The following MYO18B variants were observed in gnomAD, a reference collection of about 807,000 sequenced individuals.
The protein encoded by MYO18B is unconventional myosin-XVIIIb.
A neutral mutation model predicts 273.0 loss-of-function variants in MYO18B; 204 were observed. That is an observed-to-expected ratio of 0.75 (90% CI 0.67 to 0.84). MYO18B has a LOEUF of 0.84. Among genes scored for constraint, MYO18B ranks in the 40% least tolerant of loss-of-function variants. The pLI is 0.00. For synonymous variants in MYO18B, 1,330 were observed against 1,305.7 expected (o/e 1.02, Z -0.40); for missense variants, 3,212 against 3,287.6 (o/e 0.98, Z 0.56).
At chr22:25,945,762 G>A (rs1481190847) in intron 34 of MYO18B, among the ~76,000 whole-genome samples, 1 of 4,716 alleles carries the variant, frequency 2.1e-4, no homozygotes, top group Non-Finnish European at 3.2e-4. Context: ...CCCTCCCCTC[G>A]CCTCCCCTCC....
chr22:26,038,308 ATGTGG>A, the MYO18B span, among the ~76,000 whole-genome samples: 1 of 152,108 alleles, frequency 6.6e-6, no homozygotes, highest in African/African-American at 2.4e-5. Flanking sequence ...ATTCTGTTCA[ATGTGG>A]TGCTAAGCTC....
At chr22:25,785,394 C>T (rs922094820) in intron 10 of MYO18B, 34 bp from the exon 11 acceptor site, 4 of 1,582,556 alleles carry the variant, frequency 2.5e-6, no homozygotes, top group Non-Finnish European at 2.6e-6. Flanking sequence ...GTGTGGACAG[C>T]CCCCCTGACT....
chr22:25,923,484 G>A (rs117775260), intron 34 of MYO18B, among the ~76,000 whole-genome samples: 1,649 of 152,362 alleles, frequency 0.011, 18 homozygotes, highest in Middle Eastern at 0.037. Context: ...TTTTACAGAT[G>A]AGAAAATGTT....
intron 34 of MYO18B, among the ~76,000 whole-genome samples, chr22:25,941,018 C>T (rs187802080): frequency 5.7e-4 from 87 of 152,266 alleles, no homozygotes; most frequent in Non-Finnish European, 8.4e-4. Context: ...TGACTTAGTA[C>T]GCACGGAGGA....
Position 25,921,127 on chromosome 22 carries a change from T to C in MYO18B, c.5365-130T>C, listed in dbSNP as rs997281017. 3.0e-5 allele frequency: 26 copies of C among 877,250 alleles called. No individual in the cohort carries two copies. The Admixed American group carries it at 6.9e-4, about 23-fold the overall frequency. 54.3% of individuals were successfully genotyped at this position (877,250 alleles called of 1,614,324 possible). On this transcript the variant is annotated intron_variant, in intron 33 of 43. Coordinates refer to ENST00000335473, the MANE Select transcript of MYO18B (RefSeq NM_032608.7). Reference sequence around the variant, plus strand: ...GGAAACTGAGGCTCGGAGAGGAGAATGGTCTTGTCCAAGGTCACACGGTGT... The same window carrying C: ...GGAAACTGAGGCTCGGAGAGGAGAACGGTCTTGTCCAAGGTCACACGGTGT...
chr22:26,031,098 C>T (rs772968480), downstream of MYO18B: 9 of 395,872 alleles, frequency 2.3e-5, no homozygotes, highest in Non-Finnish European at 3.6e-5. Context: ...CCCACATCAA[C>T]ATTCAAGAAC....
At chr22:25,904,220 T>G (rs891488899) in intron 31 of MYO18B, among the ~76,000 whole-genome samples, 2 of 152,248 alleles carry the variant, frequency 1.3e-5, no homozygotes, top group Non-Finnish European at 2.9e-5. Flanking sequence ...CAGATTGTTT[T>G]TCTCTTTCTC....
chr22:25,873,930 T>C (rs2091118496), intron 22 of MYO18B, among the ~76,000 whole-genome samples: 1 of 152,208 alleles, frequency 6.6e-6, no homozygotes, highest in Non-Finnish European at 1.5e-5. Context: ...CTAGCTGTGC[T>C]TCTCAAAGGA....
intron 12 of MYO18B, among the ~76,000 whole-genome samples, chr22:25,808,485 T>C (rs2088586277): frequency 6.6e-6 from 1 of 152,154 alleles, no homozygotes; most frequent in African/African-American, 2.4e-5. Flanking sequence ...CCTGTCTGCC[T>C]CCAAAGTTCT....
At chr22:25,968,654 T>G (rs2093004783) in intron 39 of MYO18B, among the ~76,000 whole-genome samples, 1 of 152,068 alleles carries the variant, frequency 6.6e-6, no homozygotes, top group Non-Finnish European at 1.5e-5. Context: ...TCCCTTTCTA[T>G]CTTCTCAAAG....
the MYO18B span, among the ~76,000 whole-genome samples, chr22:26,039,306 C>T: frequency 6.6e-6 from 1 of 152,186 alleles, no homozygotes; most frequent in Admixed American, 6.5e-5. Context: ...CCTGCCTCTG[C>T]CCTGGATGCT....
chr22:25,955,448 G>C (rs1467594284), intron 39 of MYO18B, 84 bp downstream of exon 39: 29 of 1,422,310 alleles, frequency 2.0e-5, no homozygotes, highest in Non-Finnish European at 2.7e-5. Context: ...TTCTGAATGG[G>C]AGACTCATAG....
At chr22:25,935,193 C>T (rs2092561107) in intron 34 of MYO18B, among the ~76,000 whole-genome samples, 1 of 152,212 alleles carries the variant, frequency 6.6e-6, no homozygotes, top group South Asian at 2.1e-4. Flanking sequence ...GGGCACAAAA[C>T]ATCCTACTTT....
At chr22:25,870,714 C>G (rs192143816) in intron 22 of MYO18B, among the ~76,000 whole-genome samples, 158 of 152,300 alleles carry the variant, frequency 1.0e-3, no homozygotes, top group Admixed American at 8.9e-3. Flanking sequence ...CATCGCCCAA[C>G]AGCTTGCTAG....
At chr22:25,916,122 T>A (rs1401045352) in intron 33 of MYO18B, among the ~76,000 whole-genome samples, 1 of 152,160 alleles carries the variant, frequency 6.6e-6, no homozygotes, top group Non-Finnish European at 1.5e-5. Context: ...TTCAAATAGG[T>A]TGACATAAAA....
chr22:26,041,430 G>T, the MYO18B span, among the ~76,000 whole-genome samples: 212 of 152,024 alleles, frequency 1.4e-3, 1 homozygote, highest in Middle Eastern at 3.4e-3. Context: ...TACTTGGGAG[G>T]CTGAGGCAGG....
At chr22:25,905,691 T>C (rs2092029247) in intron 31 of MYO18B, among the ~76,000 whole-genome samples, 1 of 152,184 alleles carries the variant, frequency 6.6e-6, no homozygotes, top group Admixed American at 6.5e-5. Flanking sequence ...AGGCAGCTTG[T>C]TGCCTGTATG....
intron 34 of MYO18B, among the ~76,000 whole-genome samples, chr22:25,939,652 A>G (rs976142562): frequency 6.6e-6 from 1 of 152,172 alleles, no homozygotes; most frequent in Non-Finnish European, 1.5e-5. Context: ...GGAGATGGAT[A>G]TTTATCACAG....
chr22:25,902,773 G>C, intron 30 of MYO18B, 37 bp downstream of exon 30: 1 of 1,554,122 alleles, frequency 6.4e-7, no homozygotes, highest in Non-Finnish European at 8.7e-7. Flanking sequence ...CTTGGCTCTT[G>C]GTGGCTAAAT....
Sources: gnomAD v4.1 joint callset for allele counts (sites outside exome capture counted in the v4.1 genomes callset) on GRCh38, gnomAD v4.1.1 for gene constraint, MANE v1.5 for transcripts, NCBI Gene and HGNC (gene_info 2026-07-23, HGNC 2026-07-21) for gene names.